RARB: variants seen among roughly 807,000 people sequenced by gnomAD.
The protein encoded by RARB is retinoic acid receptor beta, also known as HBV-activated protein.
RARB carries 17 observed loss-of-function variants against 51.9 expected under a neutral mutation model. The observed-to-expected ratio is 0.33, with a 90% confidence interval of 0.22 to 0.49. The LOEUF (loss-of-function observed/expected upper bound fraction) is 0.49. Among genes scored for constraint, RARB ranks in the 20% least tolerant of loss-of-function variants. The pLI, the probability that RARB is intolerant of heterozygous loss-of-function variation, is 0.99. For missense variants in RARB, 369 were observed against 550.8 expected (o/e 0.67, Z 3.30); for synonymous variants, 215 against 195.4 (o/e 1.10, Z -0.84).
At chr3:25,565,486 G>A (rs1218815296) in intron 3 of RARB, among the ~76,000 whole-genome samples, 1 of 152,068 alleles carries the variant, frequency 6.6e-6, no homozygotes, top group Non-Finnish European at 1.5e-5. Flanking sequence ...TATGATGAAT[G>A]TCTGTCTGCT....
intron 2 of RARB, among the ~76,000 whole-genome samples, chr3:24,881,545 G>C (rs1703167211): frequency 6.6e-6 from 1 of 152,052 alleles, no homozygotes; most frequent in Non-Finnish European, 1.5e-5. Context: ...CAAATCTCTT[G>C]GGACCAAGAG....
chr3:25,400,634 G>A (rs1389431571), intron 5 of RARB, among the ~76,000 whole-genome samples: 1 of 152,186 alleles, frequency 6.6e-6, no homozygotes, highest in African/African-American at 2.4e-5. Context: ...CTGATAGGAT[G>A]TGAATGCCCT....
At chr3:24,897,262 GA>G (rs1703496498) in intron 2 of RARB, among the ~76,000 whole-genome samples, 1 of 152,092 alleles carries the variant, frequency 6.6e-6, no homozygotes, top group African/African-American at 2.4e-5. Flanking sequence ...GAACTTTGCC[GA>G]AAAACCTAAT....
chr3:25,444,515 A>G (rs1308310226), intron 1 of RARB, among the ~76,000 whole-genome samples: 1 of 152,228 alleles, frequency 6.6e-6, no homozygotes, highest in Non-Finnish European at 1.5e-5. Context: ...TATTATTTAC[A>G]GATGTATACA....
intron 2 of RARB, among the ~76,000 whole-genome samples, chr3:25,480,658 T>G (rs749610501): frequency 8.5e-5 from 13 of 152,232 alleles, no homozygotes; most frequent in Non-Finnish European, 1.5e-4. Context: ...TCTTCAGAAA[T>G]CAGCCCATTG....
chr3:24,891,083 GAAC>G (rs1475737549), intron 2 of RARB, among the ~76,000 whole-genome samples: 2 of 152,254 alleles, frequency 1.3e-5, no homozygotes, highest in East Asian at 3.9e-4. Context: ...GGAAAGTTGT[GAAC>G]AACGCAGCCC....
At position 25,528,667 on chromosome 3, in the gene RARB, C is replaced by T. The variant is rs145965457; in HGVS notation, c.448+27344C>T. On this transcript the variant is annotated intron_variant, in intron 3 of 7. Transcript: ENST00000330688. Reference sequence around the variant, plus strand: ...ACCTCCTCCTGAGGGATGGAAGGGCCCATTCCTCTCAAGGGGCTTCCATGT... The same window carrying T: ...ACCTCCTCCTGAGGGATGGAAGGGCTCATTCCTCTCAAGGGGCTTCCATGT... Among the ~76,000 whole-genome samples the T allele has an allele frequency of 2.6e-3, 402 of 152,028 alleles. 5 individuals are homozygous for T. The highest frequency in any genetic ancestry group is 0.01 in the Middle Eastern group (3 of 294).
At chr3:25,501,473 A>C in intron 3 of RARB, 150 bp downstream of exon 3, 1 of 1,000,260 alleles carries the variant, frequency 1.0e-6, no homozygotes, top group Non-Finnish European at 1.4e-6. Context: ...GGGGATTGAT[A>C]TGGAGATTTT....
At chr3:25,062,748 CTA>C in intron 3 of RARB, among the ~76,000 whole-genome samples, 1 of 151,846 alleles carries the variant, frequency 6.6e-6, no homozygotes, top group East Asian at 1.9e-4. Flanking sequence ...TATTGGTTGC[CTA>C]TGTTTGGGGC....
chr3:25,099,873 G>A (rs1055842872), intron 3 of RARB, among the ~76,000 whole-genome samples: 25 of 152,226 alleles, frequency 1.6e-4, no homozygotes, highest in Admixed American at 9.2e-4. Context: ...ACTGGGACAC[G>A]CAGGAAAGCC....
At chr3:25,210,559 T>G (rs7651020) in intron 5 of RARB, among the ~76,000 whole-genome samples, 1 of 47,172 alleles carries the variant, frequency 2.1e-5, no homozygotes, top group Non-Finnish European at 4.3e-5. Context: ...TTTTTGAGAT[T>G]GAGTCTCACT....
intron 2 of RARB, among the ~76,000 whole-genome samples, chr3:24,936,178 T>C (rs1695544443): frequency 6.6e-6 from 1 of 152,106 alleles, no homozygotes. Context: ...GTATAGAGTA[T>C]GGAATGGGTG....
At chr3:25,084,730 A>G (rs1008266502) in intron 3 of RARB, among the ~76,000 whole-genome samples, 1 of 149,766 alleles carries the variant, frequency 6.7e-6, no homozygotes, top group Non-Finnish European at 1.5e-5. Context: ...TTTATATTCC[A>G]TCTGTTTGGG....
rs1044630069 is a variant in RARB, at chr3:24,909,604, C to G, written c.-380+50852C>G. Reference sequence around the variant, plus strand: ...GGATTTTTACCTCATCTCCAAGATTCAGCTTTGACTTAAACCTTCCATTAA... The same window carrying G: ...GGATTTTTACCTCATCTCCAAGATTGAGCTTTGACTTAAACCTTCCATTAA... On this transcript the variant is annotated intron_variant, in intron 2 of 11. Coordinates refer to the RARB transcript ENST00000383772. Among the ~76,000 whole-genome samples, 12 of 147,470 alleles carry G rather than the reference C, an allele frequency of 8.1e-5. 1 individual carries two copies. The highest frequency in any genetic ancestry group is 8.1e-4 in the Admixed American group (12 of 14,750).
chr3:24,995,181 GTTT>G (rs149057105), intron 2 of RARB, among the ~76,000 whole-genome samples: 2,400 of 150,800 alleles, frequency 0.016, 48 homozygotes, highest in East Asian at 0.055. Flanking sequence ...GTGTTTTGTA[GTTT>G]TTTAAGTAAA....
intron 3 of RARB, among the ~76,000 whole-genome samples, chr3:25,067,728 G>A (rs983237354): frequency 6.6e-6 from 1 of 152,094 alleles, no homozygotes. Flanking sequence ...TTGCCTTCTG[G>A]TCTTTCCTTC....
At chr3:25,412,929 G>C (rs1302520867) in intron 5 of RARB, among the ~76,000 whole-genome samples, 1 of 152,046 alleles carries the variant, frequency 6.6e-6, no homozygotes, top group Non-Finnish European at 1.5e-5. Flanking sequence ...TGAGGCAGGA[G>C]AATCACTTGA....
chr3:24,911,176 C>T (rs1393346929), intron 2 of RARB, among the ~76,000 whole-genome samples: 1 of 152,140 alleles, frequency 6.6e-6, no homozygotes, highest in African/African-American at 2.4e-5. Context: ...AGGATGAAAC[C>T]ATCTTCTCTC....
intron 3 of RARB, among the ~76,000 whole-genome samples, chr3:25,554,361 C>G (rs886894731): frequency 9.2e-5 from 14 of 151,912 alleles, no homozygotes; most frequent in Non-Finnish European, 1.8e-4. Flanking sequence ...TTTTAGTGTA[C>G]AGGTCAGCCA....
Sources: allele counts gnomAD v4.1 joint callset (sites outside exome capture counted in the v4.1 genomes callset), GRCh38; gene constraint gnomAD v4.1.1; transcripts MANE v1.5; gene names NCBI Gene and HGNC (gene_info 2026-07-23, HGNC 2026-07-21).